The following ZEB1 variants were observed in gnomAD, a reference collection of about 807,000 sequenced individuals.
ZEB1 encodes zinc finger E-box-binding homeobox 1.
In ZEB1, 21 loss-of-function variants were observed where a neutral mutation model predicts 84.9. The observed-to-expected ratio is 0.25, with a 90% CI of 0.18 to 0.36. The LOEUF (loss-of-function observed/expected upper bound fraction) is 0.36. ZEB1 is among the 10% of genes least tolerant of loss of function. The pLI is 1.00. For synonymous variants in ZEB1, 420 were observed against 471.1 expected, an observed-to-expected ratio of 0.89 and a Z score of 1.41; for missense variants, 1,104 against 1,330.2, an observed-to-expected ratio of 0.83 and a Z score of 2.65.
At chr10:31,365,640 T>C (rs2044319632) in intron 1 of ZEB1, among the ~76,000 whole-genome samples, 3 of 152,202 alleles carry the variant, frequency 2.0e-5, no homozygotes, top group Admixed American at 1.3e-4. Context: ...AAGAAAAGCA[T>C]GGCCTCTATC....
At chr10:31,326,816 G>A (rs2035595589) in intron 1 of ZEB1, among the ~76,000 whole-genome samples, 1 of 152,148 alleles carries the variant, frequency 6.6e-6, no homozygotes, top group African/African-American at 2.4e-5. Context: ...GTCAAATTTA[G>A]TAGTTGATGT....
intron 1 of ZEB1, among the ~76,000 whole-genome samples, chr10:31,337,722 G>GGC (rs2038471578): frequency 9.1e-6 from 1 of 109,666 alleles, no homozygotes; most frequent in African/African-American, 3.8e-5. Flanking sequence ...GTCTTGCTGT[G>GGC]TCTCCCAGGC....
At chr10:31,353,786 A>G (rs1311806790) in intron 1 of ZEB1, among the ~76,000 whole-genome samples, 3 of 152,224 alleles carry the variant, frequency 2.0e-5, no homozygotes, top group African/African-American at 7.2e-5. Context: ...CCAACCTGTC[A>G]TATTGGCAAT....
At chr10:31,432,615 T>C (rs529162992) in intron 1 of ZEB1, among the ~76,000 whole-genome samples, 9 of 152,262 alleles carry the variant, frequency 5.9e-5, no homozygotes, top group Admixed American at 5.9e-4. Flanking sequence ...TCAGTGTGAA[T>C]AGATACATTT....
intron 1 of ZEB1, among the ~76,000 whole-genome samples, chr10:31,437,616 G>A (rs183375703): frequency 3.2e-4 from 48 of 152,124 alleles, no homozygotes; most frequent in African/African-American, 1.1e-3. Context: ...TGGCTCTCAG[G>A]AAAGCTCCCA....
intron 1 of ZEB1, among the ~76,000 whole-genome samples, chr10:31,453,178 A>T (rs1323332161): frequency 6.6e-6 from 1 of 152,168 alleles, no homozygotes; most frequent in Non-Finnish European, 1.5e-5. Flanking sequence ...GGCATAACAT[A>T]ATAAGGGTGT....
chr10:31,415,025 A>G (rs2054963384), intron 1 of ZEB1, among the ~76,000 whole-genome samples: 1 of 152,130 alleles, frequency 6.6e-6, no homozygotes, highest in South Asian at 2.1e-4. Context: ...ATTCAATTCA[A>G]ATTATCAGTT....
chr10:31,517,719 T>A (rs1311504758), intron 6 of ZEB1, among the ~76,000 whole-genome samples: 2 of 152,170 alleles, frequency 1.3e-5, no homozygotes, highest in Admixed American at 6.6e-5. Context: ...GTGTAAACTT[T>A]CTTTCTGGCA....
At chr10:31,327,197 G>A (rs974396635) in intron 1 of ZEB1, among the ~76,000 whole-genome samples, 7 of 138,636 alleles carry the variant, frequency 5.0e-5, no homozygotes, top group African/African-American at 1.6e-4. Flanking sequence ...TGCAACCTCT[G>A]TCTCCCAGGT....
chr10:31,498,520 A>G (rs1048729953), intron 3 of ZEB1, among the ~76,000 whole-genome samples: 2 of 152,102 alleles, frequency 1.3e-5, no homozygotes, highest in Admixed American at 6.5e-5. Context: ...TACCCTACTA[A>G]TAAGTACATT....
chr10:31,390,588 ATTCTCC>A (rs751503583), intron 1 of ZEB1, among the ~76,000 whole-genome samples: 2 of 152,154 alleles, frequency 1.3e-5, no homozygotes, highest in Non-Finnish European at 2.9e-5. Flanking sequence ...TTGAAAACTA[ATTCTCC>A]TTTGACAGTA....
At chr10:31,319,182 G>GGGGA, upstream of ZEB1, 3 of 1,287,320 alleles carry the variant, frequency 2.3e-6, no homozygotes, top group Non-Finnish European at 3.2e-6. Flanking sequence ...GGGGGGGAAG[G>GGGGA]GGGAGGGAGG....
chr10:31,448,832 C>G (rs1287564054), intron 1 of ZEB1, among the ~76,000 whole-genome samples: 1 of 152,186 alleles, frequency 6.6e-6, no homozygotes, highest in Non-Finnish European at 1.5e-5. Context: ...CAGACAGGGA[C>G]ATTTAAGTCT....
chr10:31,362,894 C>A (rs1412032246), intron 1 of ZEB1: 1 of 1,386,398 alleles, frequency 7.2e-7, no homozygotes, highest in Non-Finnish European at 9.9e-7. Context: ...CTACTTAACA[C>A]TCTCATGTTC....
At chr10:31,363,397 T>C in intron 1 of ZEB1, 2 of 1,534,438 alleles carry the variant, frequency 1.3e-6, no homozygotes, top group Non-Finnish European at 1.7e-6. Flanking sequence ...CTGATTCTTT[T>C]CTGTCAAGCT....
At position 31,520,601 on chromosome 10, in the gene ZEB1, T is replaced by C; in HGVS notation, c.1269T>C (p.Gly423=). The change falls in exon 7 of 9, where the codon GGT becomes GGC. Residue 423 remains glycine, a synonymous_variant. Transcript: ENST00000424869. This position sits in a 1 kb window ranked among gnomAD's most constrained non-coding sequence, Gnocchi z 5.1. ...IQNVLKVAVD[G]NVIRQVLENN... ...ATGTACTTAAAGTGGCGGTAGATGG[T>C]AATGTAATAAGGCAAGTGTTGGAGA... 1 of 1,613,932 alleles carries C rather than the reference T, an allele frequency of 6.2e-7. No individual in the cohort carries two copies. Among genetic ancestry groups the C allele is most frequent in the Non-Finnish European group, 8.5e-7 (1 of 1,179,918 alleles).
chr10:31,503,559 A>C (rs1202927143), intron 4 of ZEB1, among the ~76,000 whole-genome samples: 1 of 151,966 alleles, frequency 6.6e-6, no homozygotes, highest in Non-Finnish European at 1.5e-5. Flanking sequence ...TCTTTGATAT[A>C]CCAACTTCCT....
chr10:31,387,763 A>G, intron 1 of ZEB1: 4 of 985,262 alleles, frequency 4.1e-6, no homozygotes, highest in Non-Finnish European at 4.8e-6. Context: ...TACACTTCAG[A>G]AAGTGTGGAA....
chr10:31,465,960 CA>C (rs1215872586), intron 2 of ZEB1, among the ~76,000 whole-genome samples: 1 of 151,690 alleles, frequency 6.6e-6, no homozygotes, highest in African/African-American at 2.4e-5. Flanking sequence ...TAAGTGGAAC[CA>C]AAAGAGAGCA....
Sources: gnomAD v4.1 joint callset for allele counts (sites outside exome capture counted in the v4.1 genomes callset) on GRCh38, gnomAD v4.1.1 for gene constraint, Gnocchi (gnomAD v3.1) non-coding constraint, MANE v1.5 for transcripts, NCBI Gene and HGNC (gene_info 2026-07-23, HGNC 2026-07-21) for gene names.